The following PSKH2 variants were observed in gnomAD, a reference collection of about 807,000 sequenced individuals.
PSKH2 encodes serine/threonine-protein kinase H2.
PSKH2 carries 16 observed loss-of-function variants against 22.5 expected under a neutral mutation model. The observed-to-expected ratio is 0.71, with a 90% CI of 0.48 to 1.08. The LOEUF is 1.08. Ranked by LOEUF, PSKH2 falls within the 50% of genes least tolerant of loss-of-function variation. The pLI is 0.00. For synonymous variants in PSKH2, 188 were observed against 184.8 expected (o/e 1.02, Z -0.14); for missense variants, 516 against 492.8 (o/e 1.05, Z -0.44).
chr8:86,052,906 T>A (rs1286326705), intron 2 of PSKH2, among the ~76,000 whole-genome samples: 3 of 152,172 alleles, frequency 2.0e-5, no homozygotes, highest in Admixed American at 1.3e-4. Flanking sequence ...TTCTGTCTTT[T>A]CCAATAGAGA....
rs111829240 is a variant in PSKH2 at position 86,056,143 on chromosome 8, A to T, written c.853-7376T>A. 3.3e-3 allele frequency among the ~76,000 whole-genome samples: 494 copies of T among 151,352 alleles called. 3 individuals carry two copies. The highest frequency in any genetic ancestry group is 0.011 in the African/African-American group (444 of 40,950). On this transcript the variant is annotated intron_variant, in intron 2 of 2. Coordinates refer to ENST00000276616, the MANE Select transcript of PSKH2 (RefSeq NM_033126.3). ...ATCTCTACAAAAGATTTTTTTTTTT[A>T]AATGAGCTGTGCGTGGCACATACCT...
intron 2 of PSKH2, among the ~76,000 whole-genome samples, chr8:86,058,195 G>T (rs1272318352): frequency 6.6e-6 from 1 of 152,178 alleles, no homozygotes; most frequent in Non-Finnish European, 1.5e-5. Flanking sequence ...GGAAATCTTT[G>T]CTCTCTTCCA....
chr8:86,069,591 G>A lies in PSKH2; in HGVS notation c.32C>T (p.Pro11Leu). 3 of 1,595,158 alleles carry A rather than the reference G, an allele frequency of 1.9e-6. No homozygotes were observed. The highest frequency in any genetic ancestry group is 1.7e-6 in the Non-Finnish European group (2 of 1,172,888). MGCGASRKVVPGPPALAWAKH... is the reference protein window; with the variant it reads MGCGASRKVVLGPPALAWAKH... ...GGCCCAAGCCAGCGCTGGTGGCCCC[G>A]GGACCACCTTCCTGCTGGCGCCGCA... Residue 11 changes from proline to leucine, a missense_variant, in exon 1 of 3, where the codon CCG (proline) becomes CTG (leucine). Coordinates refer to ENST00000276616, the MANE Select transcript of PSKH2 (RefSeq NM_033126.3).
intron 2 of PSKH2, among the ~76,000 whole-genome samples, chr8:86,058,089 A>T (rs1817728055): frequency 6.6e-6 from 1 of 152,184 alleles, no homozygotes; most frequent in African/African-American, 2.4e-5. Flanking sequence ...TCCTTTACTT[A>T]GCGTCTCAAG....
chr8:86,067,006 A>C (rs1481178795), intron 1 of PSKH2, among the ~76,000 whole-genome samples: 1 of 152,192 alleles, frequency 6.6e-6, no homozygotes, highest in Admixed American at 6.5e-5. Flanking sequence ...GTAAATGCTA[A>C]TTTATCGCTA....
chr8:86,048,685 C>G lies in PSKH2; in HGVS notation c.935G>C (p.Gly312Ala), dbSNP rs772275785. Reference protein sequence around the residue: ...ILEAGHRMSAGQALDHPWVIT... With the variant: ...ILEAGHRMSAAQALDHPWVIT... ...CACCCAGGGATGGTCCAGGGCCTGGCCAGCTGACATGCGATGACCAGCCTC... is the reference window on the plus strand; with the variant it reads ...CACCCAGGGATGGTCCAGGGCCTGGGCAGCTGACATGCGATGACCAGCCTC... The change falls in exon 3 of 3, where the codon GGC becomes GCC. Residue 312 changes from glycine to alanine, a missense_variant. Transcript: ENST00000276616. The G allele has an allele frequency of 6.2e-7, 1 of 1,614,050 alleles. No individual in the cohort carries two copies. The highest frequency in any genetic ancestry group is 1.1e-5 in the South Asian group (1 of 91,068).
intron 1 of PSKH2, among the ~76,000 whole-genome samples, chr8:86,065,911 A>T (rs1430514841): frequency 1.3e-5 from 2 of 152,146 alleles, no homozygotes; most frequent in African/African-American, 4.8e-5. Context: ...TTGAGGTTGC[A>T]GTGAGCTGTG....
At chr8:86,062,622 G>A (rs752268228) in intron 2 of PSKH2, among the ~76,000 whole-genome samples, 17 of 148,484 alleles carry the variant, frequency 1.1e-4, no homozygotes, top group Non-Finnish European at 2.1e-4. Flanking sequence ...TCCTGTCACC[G>A]TGTGAGAAGG....
At chr8:86,069,106 T>C (rs192400064) in intron 1 of PSKH2, among the ~76,000 whole-genome samples, 149 of 152,136 alleles carry the variant, frequency 9.8e-4, no homozygotes, top group Middle Eastern at 3.4e-3. Context: ...TGGGAGAAGC[T>C]TAGGGAGAGG....
chr8:86,055,379 T>C lies in PSKH2; in HGVS notation c.853-6612A>G, dbSNP rs534234926. The stretch of plus-strand genomic sequence containing the variant: ...TCCTAGAAACACTTATTGTCTGTGA[T>C]TGAGTTTAAGAGATGAAGGTTTATA... On this transcript the variant is annotated intron_variant, in intron 2 of 2. Transcript: ENST00000276616. Among the ~76,000 whole-genome samples the C allele has an allele frequency of 1.2e-4, 18 of 152,248 alleles. No individual in the cohort carries two copies. The South Asian group carries it at 3.3e-3, about 28-fold the overall frequency.
At chr8:86,065,650 T>A (rs1189785806) in intron 1 of PSKH2, among the ~76,000 whole-genome samples, 1 of 152,192 alleles carries the variant, frequency 6.6e-6, no homozygotes, top group Admixed American at 6.5e-5. Context: ...GATCTTAAGC[T>A]TTAATTATCT....
Position 86,064,076 on chromosome 8 carries a change from A to G in PSKH2, c.741T>C (p.Ala247=), listed in dbSNP as rs766915181. 1 of 1,614,066 alleles carries G rather than the reference A, an allele frequency of 6.2e-7. No individual in the cohort carries two copies. Among genetic ancestry groups the G allele is most frequent in the Non-Finnish European group, 8.5e-7 (1 of 1,179,958 alleles). ...GTAAAGCATATGTGATCACACCAAG[A>G]GCCCACATGTCCACTGCACTGGTAT... ...KPYTSAVDMW[A]LGVITYALLS... is the part of the protein sequence containing the mutation. The change falls in exon 2 of 3, where the codon GCT becomes GCC. Residue 247 remains alanine, a synonymous_variant. Transcript: ENST00000276616.
chr8:86,057,169 C>T (rs1230855402), intron 2 of PSKH2, among the ~76,000 whole-genome samples: 1 of 151,740 alleles, frequency 6.6e-6, no homozygotes, highest in Non-Finnish European at 1.5e-5. Flanking sequence ...GGTGATCCTC[C>T]CACTTCAGCC....
chr8:86,049,682 GAAAGAAAGAAAGAAAGAAAGAA>G (rs1273129617), intron 2 of PSKH2, among the ~76,000 whole-genome samples: 3 of 9,314 alleles, frequency 3.2e-4, no homozygotes, highest in Non-Finnish European at 1.0e-3. Context: ...AAAGAAGAAA[GAAAGAAAGAAAGAAAGAAAGAA>G]AGAAAGAAAG....
Position 86,064,068 on chromosome 8 carries a change from A to T in PSKH2, c.749T>A (p.Val250Glu). Residue 250 changes from valine (V) to glutamate (E), a missense_variant, in exon 2 of 3, where the codon GTG (valine) becomes GAG (glutamate). Coordinates refer to ENST00000276616, the MANE Select transcript of PSKH2 (RefSeq NM_033126.3). ...TCCGCTAAGTAAAGCATATGTGATCACACCAAGAGCCCACATGTCCACTGC... is the reference window on the plus strand; with the variant it reads ...TCCGCTAAGTAAAGCATATGTGATCTCACCAAGAGCCCACATGTCCACTGC... ...TSAVDMWALG[V>E]ITYALLSGFL... 1 of 1,614,074 alleles carries T rather than the reference A, an allele frequency of 6.2e-7. No individual in the cohort carries two copies. Among genetic ancestry groups the T allele is most frequent in the Non-Finnish European group, 8.5e-7 (1 of 1,179,952 alleles).
At chr8:86,063,870 C>A in intron 2 of PSKH2, 95 bp downstream of exon 2, 1 of 980,864 alleles carries the variant, frequency 1.0e-6, no homozygotes, top group East Asian at 2.5e-5. Flanking sequence ...CACAGGACAA[C>A]CCCAAAAATC....
intron 2 of PSKH2, among the ~76,000 whole-genome samples, chr8:86,060,032 A>G (rs1045925440): frequency 9.2e-5 from 14 of 152,212 alleles, no homozygotes; most frequent in African/African-American, 3.4e-4. Flanking sequence ...ACTCATAGAA[A>G]ATATCTGACA....
At chr8:86,062,519 A>G (rs1171376130) in intron 2 of PSKH2, among the ~76,000 whole-genome samples, 2 of 152,318 alleles carry the variant, frequency 1.3e-5, no homozygotes, top group African/African-American at 4.8e-5. Flanking sequence ...TGATTGGATC[A>G]TGGGCAGTTT....
intron 2 of PSKH2, among the ~76,000 whole-genome samples, chr8:86,056,705 T>C (rs970784012): frequency 1.3e-5 from 2 of 152,202 alleles, no homozygotes; most frequent in African/African-American, 2.4e-5. Context: ...TACTAGCATA[T>C]GAAAATAGTC....
Sources: allele counts gnomAD v4.1 joint callset (sites outside exome capture counted in the v4.1 genomes callset), GRCh38; gene constraint gnomAD v4.1.1; transcripts MANE v1.5; gene names NCBI Gene and HGNC (gene_info 2026-07-23, HGNC 2026-07-21).